The following STOX2 variants were observed in gnomAD, a reference collection of about 807,000 sequenced individuals.
The protein encoded by STOX2 is storkhead-box protein 2.
STOX2 carries 28 observed loss-of-function variants against 60.9 expected under a neutral mutation model. That is an observed-to-expected ratio of 0.46 (90% confidence interval 0.34 to 0.63). STOX2 has a LOEUF of 0.63. STOX2 is among the 30% of genes least tolerant of loss of function. The probability of loss-of-function intolerance (pLI) is 0.01; values close to 1 mark genes in which losing one functional copy is unlikely to be tolerated. For synonymous variants in STOX2, 472 were observed against 463.9 expected (o/e 1.02, Z -0.22); for missense variants, 1,024 against 1,187.7 (o/e 0.86, Z 2.03).
At chr4:183,907,252 A>G (rs1741647101) in intron 1 of STOX2, among the ~76,000 whole-genome samples, 1 of 152,116 alleles carries the variant, frequency 6.6e-6, no homozygotes, top group South Asian at 2.1e-4. Flanking sequence ...AGCCTCCTCG[A>G]GCTTTGTGGA....
At position 183,951,631 on chromosome 4, in the gene STOX2, T is replaced by C. The variant is rs1743097795; in HGVS notation, c.166+44675T>C. Among the ~76,000 whole-genome samples the C allele has an allele frequency of 2.0e-5, 3 of 151,674 alleles. No homozygotes were observed. The South Asian group carries it at 6.3e-4, about 32-fold the overall frequency. Reference sequence around the variant, plus strand: ...GCGCTCGGCAAGGAAGACAGTCTCTTATCCAGTTTTCTAAAAGTAGGTGAG... The same window carrying C: ...GCGCTCGGCAAGGAAGACAGTCTCTCATCCAGTTTTCTAAAAGTAGGTGAG... On this transcript the variant is annotated intron_variant, in intron 1 of 3. Coordinates refer to ENST00000308497, the MANE Select transcript of STOX2 (RefSeq NM_020225.3).
At chr4:183,849,701 G>T (rs1740069668) in intron 1 of STOX2, among the ~76,000 whole-genome samples, 1 of 152,190 alleles carries the variant, frequency 6.6e-6, no homozygotes, top group African/African-American at 2.4e-5. Flanking sequence ...CAGAAATAAA[G>T]ACTGGAGCCA....
Position 183,906,735 on chromosome 4 carries a change from G to T in STOX2, c.-56G>T, listed in dbSNP as rs558052956. The T allele has an allele frequency of 2.1e-6, 3 of 1,442,772 alleles. No homozygotes were observed. The highest frequency in any genetic ancestry group is 2.8e-6 in the Non-Finnish European group (3 of 1,089,084). 89.4% of individuals were successfully genotyped at this position (1,442,772 alleles called of 1,614,324 possible). A position where few individuals can be genotyped will look rare whatever the true frequency, so the allele number is the denominator to read the frequency against. ...CCGCCGTAGACGGATGAAGGAGCGC[G>T]CTGCGCCCCGGCGCTGAGGCCCCGA... On this transcript the variant is annotated 5_prime_UTR_variant, in exon 1 of 4. Transcript: ENST00000308497.
intron 1 of STOX2, among the ~76,000 whole-genome samples, chr4:183,934,098 G>A (rs927085041): frequency 6.6e-6 from 1 of 152,130 alleles, no homozygotes; most frequent in Non-Finnish European, 1.5e-5. Context: ...GAGGTCAGGA[G>A]TTTGAGATTA....
intron 1 of STOX2, among the ~76,000 whole-genome samples, chr4:183,910,528 G>A (rs771074967): frequency 5.3e-5 from 8 of 152,062 alleles, no homozygotes; most frequent in Non-Finnish European, 1.0e-4. Context: ...CCTGGGGATG[G>A]GCGCCTCTTT....
chr4:183,816,377 C>T lies in STOX2; in HGVS notation c.364+18322C>T, dbSNP rs991145999. ...CTTGGATGCAGCTGGAGGCCATTATCCTAAGTAAATTAATGCAGAAACAGA... is the reference window on the plus strand; with the variant it reads ...CTTGGATGCAGCTGGAGGCCATTATTCTAAGTAAATTAATGCAGAAACAGA... On this transcript the variant is annotated intron_variant, in intron 1 of 2. Coordinates refer to the STOX2 transcript ENST00000513034. Among the ~76,000 whole-genome samples the T allele has an allele frequency of 5.9e-5, 9 of 152,140 alleles. No individual in the cohort carries two copies. The East Asian group carries it at 1.7e-3, about 29-fold the overall frequency.
intron 1 of STOX2, among the ~76,000 whole-genome samples, chr4:183,817,291 A>G (rs1739175442): frequency 6.6e-6 from 1 of 152,180 alleles, no homozygotes; most frequent in Non-Finnish European, 1.5e-5. Context: ...TACCAACAAG[A>G]TGGTTCACTG....
intron 1 of STOX2, among the ~76,000 whole-genome samples, chr4:184,000,127 GGCACCCAGGT>G (rs1174796681): frequency 2.0e-5 from 3 of 152,190 alleles, no homozygotes; most frequent in Admixed American, 1.3e-4. Flanking sequence ...TAAAACAGGT[GGCACCCAGGT>G]GTCAGGAGCG....
intron 1 of STOX2, among the ~76,000 whole-genome samples, chr4:183,979,265 G>A (rs1206006252): frequency 1.3e-5 from 2 of 152,150 alleles, no homozygotes; most frequent in Non-Finnish European, 2.9e-5. Context: ...TAAACAACCA[G>A]ATCTCAGAAT....
At chr4:183,997,526 G>A (rs941668806) in intron 1 of STOX2, among the ~76,000 whole-genome samples, 4 of 152,162 alleles carry the variant, frequency 2.6e-5, no homozygotes, top group Non-Finnish European at 4.4e-5. Context: ...TTTCCTAAGA[G>A]GACCTTGCCT....
rs1308433076 is a variant in STOX2, at chr4:184,009,529, C to T, written c.691C>T (p.Leu231=). Residue 231 remains leucine (L), a synonymous_variant, in exon 3 of 4, where the codon CTG becomes TTG. Transcript: ENST00000308497. This position sits in a 1 kb window ranked among gnomAD's most constrained non-coding sequence, Gnocchi z 4.0. ...DCKDPYCPPS[L]CQVPPTEKSK... is the part of the protein sequence containing the mutation. ...CAAAGACCCTTACTGTCCCCCTTCT[C>T]TGTGCCAGGTGCCACCCACTGAAAA... is the stretch of plus-strand genomic sequence containing the variant. The T allele has an allele frequency of 1.2e-6, 2 of 1,614,056 alleles. No homozygotes were observed. The highest frequency in any genetic ancestry group is 1.7e-5 in the Admixed American group (1 of 60,028).
intron 1 of STOX2, chr4:183,798,588 C>T (rs1261587264): frequency 2.2e-5 from 22 of 978,652 alleles, no homozygotes; most frequent in Non-Finnish European, 2.5e-5. Flanking sequence ...GTTGCGCGCA[C>T]GCATTTCTCA....
At chr4:183,972,662 T>A (rs1743777925) in intron 1 of STOX2, among the ~76,000 whole-genome samples, 1 of 152,114 alleles carries the variant, frequency 6.6e-6, no homozygotes, top group Admixed American at 6.6e-5. Flanking sequence ...ACAATGTTGA[T>A]CACGTGCTTA....
chr4:183,803,978 G>T (rs1738827053), intron 1 of STOX2, among the ~76,000 whole-genome samples: 1 of 152,006 alleles, frequency 6.6e-6, no homozygotes, highest in South Asian at 2.1e-4. Context: ...AAAAAAGAAA[G>T]AAAAGAATTA....
rs184112087 is a variant in STOX2, at chr4:183,892,427, C to A, written c.364+94372C>A. The stretch of plus-strand genomic sequence containing the variant: ...CCGAGTAGCTGGGACTATGGGCGCC[C>A]GCCACCACGCCCGGCTAATTTTTTT... On this transcript the variant is annotated intron_variant, in intron 1 of 2. Coordinates refer to the STOX2 transcript ENST00000513034. 1.0e-3 allele frequency among the ~76,000 whole-genome samples: 159 copies of A among 152,148 alleles called. 1 individual carries two copies. Among genetic ancestry groups the A allele is most frequent in the African/African-American group, 3.8e-3 (158 of 41,414 alleles).
rs764420911 is a variant in STOX2, at chr4:184,009,465, G to A, written c.627G>A (p.Thr209=). 1.1e-5 allele frequency: 18 copies of A among 1,613,900 alleles called. No individual in the cohort carries two copies. The African/African-American group carries it at 1.3e-4, about 12-fold the overall frequency. ...GCTGCAGAGAAGACGTGCACAGCAC[G>A]CATGCACCCACCCTGCAAAGGAAGT... ...CHCCREDVHS[T]HAPTLQRKSA... is the part of the protein sequence containing the mutation. Residue 209 remains threonine, a synonymous_variant, in exon 3 of 4, where the codon ACG becomes ACA. Coordinates refer to ENST00000308497, the MANE Select transcript of STOX2 (RefSeq NM_020225.3). This position sits in a 1 kb window ranked among gnomAD's most constrained non-coding sequence, Gnocchi z 4.0.
chr4:183,866,990 A>G (rs1278472969), intron 1 of STOX2, among the ~76,000 whole-genome samples: 1 of 152,236 alleles, frequency 6.6e-6, no homozygotes, highest in East Asian at 1.9e-4. Context: ...CGTGATACAA[A>G]TTAGAAAAAG....
chr4:184,001,599 C>A lies in STOX2; in HGVS notation c.319+122C>A. The A allele has an allele frequency of 1.1e-6, 1 of 899,822 alleles. No individual in the cohort carries two copies. Among genetic ancestry groups the A allele is most frequent in the Non-Finnish European group, 1.6e-6 (1 of 643,084 alleles). 55.7% of individuals were successfully genotyped at this position (899,822 alleles called of 1,614,324 possible). A position where few individuals can be genotyped will look rare whatever the true frequency, so the allele number is the denominator to read the frequency against. Reference sequence around the variant, plus strand: ...GAAAACATTCTTCCCCAAAACTGACCCGAAGCTTTCCTTACTTCTGTAATT... The same window carrying A: ...GAAAACATTCTTCCCCAAAACTGACACGAAGCTTTCCTTACTTCTGTAATT... On this transcript the variant is annotated intron_variant, in intron 2 of 3. Transcript: ENST00000308497. This position sits in a 1 kb window ranked among gnomAD's most constrained non-coding sequence, Gnocchi z 4.2.
rs1732735311 is a variant in STOX2 at position 183,983,657 on chromosome 4, G to A, written c.167-17668G>A. 2.6e-5 allele frequency among the ~76,000 whole-genome samples: 4 copies of A among 152,330 alleles called. No homozygotes were observed. The South Asian group carries it at 8.3e-4, about 32-fold the overall frequency. On this transcript the variant is annotated intron_variant, in intron 1 of 3. Coordinates refer to ENST00000308497, the MANE Select transcript of STOX2 (RefSeq NM_020225.3). ...CCATGAGCTTATAAATGTTTTTGGA[G>A]AATGGAGGTGTCAGGCTTCTTTGGG...
Sources: allele counts gnomAD v4.1 joint callset (sites outside exome capture counted in the v4.1 genomes callset), GRCh38; gene constraint gnomAD v4.1.1; non-coding constraint Gnocchi (gnomAD v3.1); transcripts MANE v1.5; gene names NCBI Gene and HGNC (gene_info 2026-07-23, HGNC 2026-07-21).